Variants in REDIC1 observed in about 807,000 individuals in gnomAD.
REDIC1 encodes regulator of DNA class I crossover intermediates 1.
At chr12:39,865,079 G>A in the REDIC1 span, among the ~76,000 whole-genome samples, 5 of 152,142 alleles carry the variant, frequency 3.3e-5, no homozygotes, top group Admixed American at 1.3e-4. Context: ...TCACTAGCAC[G>A]TTCATTGTGA....
At chr12:39,692,918 C>T in the REDIC1 span, among the ~76,000 whole-genome samples, 2 of 152,064 alleles carry the variant, frequency 1.3e-5, no homozygotes, top group African/African-American at 4.8e-5. Flanking sequence ...CAAGGGATAA[C>T]AGTCTTGGTT....
chr12:39,643,738 C>T, the REDIC1 span: 65 of 1,346,574 alleles, frequency 4.8e-5, no homozygotes, highest in South Asian at 2.9e-4. Flanking sequence ...TGTCTAAAAC[C>T]GCATATTTGC....
At chr12:39,632,685 G>A in the REDIC1 span, among the ~76,000 whole-genome samples, 1 of 151,874 alleles carries the variant, frequency 6.6e-6, no homozygotes, top group African/African-American at 2.4e-5. Context: ...AAACCTAGGG[G>A]GTCTAGTCTA....
At chr12:39,741,069 C>T in the REDIC1 span, among the ~76,000 whole-genome samples, 15 of 152,088 alleles carry the variant, frequency 9.9e-5, no homozygotes, top group African/African-American at 3.4e-4. Context: ...TGGGTGCAAG[C>T]GATTCTCTTG....
chr12:39,815,340 T>C, the REDIC1 span, among the ~76,000 whole-genome samples: 1 of 152,234 alleles, frequency 6.6e-6, no homozygotes, highest in African/African-American at 2.4e-5. Flanking sequence ...TTGTTAACTA[T>C]TGTCATTTCT....
the REDIC1 span, among the ~76,000 whole-genome samples, chr12:39,838,253 A>T: frequency 1.3e-5 from 2 of 150,154 alleles, no homozygotes; most frequent in African/African-American, 4.9e-5. Context: ...AAAAAACCAA[A>T]CACCGCATAT....
chr12:39,751,391 G>T, the REDIC1 span, among the ~76,000 whole-genome samples: 1 of 152,220 alleles, frequency 6.6e-6, no homozygotes, highest in Admixed American at 6.5e-5. Context: ...TTAGTAAGAA[G>T]TCAGGAAACA....
the REDIC1 span, among the ~76,000 whole-genome samples, chr12:39,783,735 G>GTT: frequency 6.6e-6 from 1 of 152,082 alleles, no homozygotes; most frequent in South Asian, 2.1e-4. Flanking sequence ...TTGTAAATTT[G>GTT]TTTGAGTTCT....
At chr12:39,646,579 C>A in the REDIC1 span, 1 of 972,968 alleles carries the variant, frequency 1.0e-6, no homozygotes, top group Non-Finnish European at 1.5e-6. Flanking sequence ...GTTTGTTTGG[C>A]TGTTAACAGT....
chr12:39,874,688 T>C, the REDIC1 span, among the ~76,000 whole-genome samples: 134 of 151,514 alleles, frequency 8.8e-4, no homozygotes, highest in African/African-American at 3.2e-3. Context: ...GCTTCTGTTA[T>C]GGAGGGGACT....
chr12:39,896,444 GTA>G, the REDIC1 span, among the ~76,000 whole-genome samples: 24 of 139,536 alleles, frequency 1.7e-4, no homozygotes, highest in Admixed American at 5.3e-4. Context: ...ATACATATAT[GTA>G]TATGTGTGTA....
the REDIC1 span, among the ~76,000 whole-genome samples, chr12:39,804,984 G>A: frequency 6.6e-6 from 1 of 152,350 alleles, no homozygotes; most frequent in East Asian, 1.9e-4. Context: ...AAGTGCCACA[G>A]TCTGAGGGAG....
chr12:39,714,526 G>A, the REDIC1 span, among the ~76,000 whole-genome samples: 1 of 151,520 alleles, frequency 6.6e-6, no homozygotes, highest in Non-Finnish European at 1.5e-5. Flanking sequence ...GTGTGTGAAA[G>A]TATCTTTTTT....
chr12:39,862,595 C>T, the REDIC1 span, among the ~76,000 whole-genome samples: 1 of 152,190 alleles, frequency 6.6e-6, no homozygotes, highest in Non-Finnish European at 1.5e-5. Flanking sequence ...CGGATCACTC[C>T]ATGGGGAAAG....
At chr12:39,708,608 T>A in the REDIC1 span, among the ~76,000 whole-genome samples, 2 of 151,932 alleles carry the variant, frequency 1.3e-5, no homozygotes, top group East Asian at 3.9e-4. Flanking sequence ...AGGCATGAGG[T>A]TTCTATCAGT....
chr12:39,774,844 A>T, the REDIC1 span, among the ~76,000 whole-genome samples: 2 of 152,158 alleles, frequency 1.3e-5, no homozygotes, highest in African/African-American at 4.8e-5. Context: ...TACCTTATAT[A>T]CCCCAAGTAT....
the REDIC1 span, chr12:39,829,411 T>TTTTTTTTTTTTTTTTTTTA: frequency 2.6e-5 from 2 of 77,058 alleles, 1 homozygote. Context: ...TTTTTTTTTT[T>TTTTTTTTTTTTTTTTTTTA]TTTTCTTTTT....
the REDIC1 span, among the ~76,000 whole-genome samples, chr12:39,889,405 A>C: frequency 6.6e-6 from 1 of 151,998 alleles, no homozygotes; most frequent in Admixed American, 6.6e-5. Context: ...ATAGCCTTAT[A>C]CTCTAACAAA....
the REDIC1 span, among the ~76,000 whole-genome samples, chr12:39,775,542 C>CT: frequency 6.6e-6 from 1 of 152,206 alleles, no homozygotes; most frequent in Non-Finnish European, 1.5e-5. Flanking sequence ...TGTTTAGACT[C>CT]TATTAATTCA....
Sources: gnomAD v4.1 joint callset for allele counts (sites outside exome capture counted in the v4.1 genomes callset) on GRCh38, gnomAD v4.1.1 for gene constraint, MANE v1.5 for transcripts, NCBI Gene and HGNC (gene_info 2026-07-23, HGNC 2026-07-21) for gene names.